Variants in MACROD2 observed in about 807,000 individuals in gnomAD.
MACROD2 encodes the protein mono-ADP ribosylhydrolase 2.
Under a neutral mutation model 70.4 loss-of-function variants are expected in MACROD2, and 36 were observed. That is an observed-to-expected ratio of 0.51 (90% CI 0.39 to 0.68). The LOEUF (loss-of-function observed/expected upper bound fraction) is 0.68. MACROD2 is among the 30% of genes least tolerant of loss of function. The pLI is 0.00. For synonymous variants in MACROD2, 172 were observed against 178.8 expected (o/e 0.96, Z 0.30); for missense variants, 496 against 538.4 (o/e 0.92, Z 0.78).
At chr20:15,751,779 A>G (rs2051274248) in intron 8 of MACROD2, among the ~76,000 whole-genome samples, 2 of 151,628 alleles carry the variant, frequency 1.3e-5, no homozygotes, top group African/African-American at 2.4e-5. Flanking sequence ...ATATAATGAG[A>G]AAGTGTCATA....
At chr20:15,116,397 C>T (rs1051171676) in intron 5 of MACROD2, among the ~76,000 whole-genome samples, 95 of 152,262 alleles carry the variant, frequency 6.2e-4, no homozygotes, top group African/African-American at 2.2e-3. Flanking sequence ...AATCCCAGCA[C>T]TTTAGGAGGC....
chr20:15,354,603 T>C (rs1410984623), intron 6 of MACROD2, among the ~76,000 whole-genome samples: 1 of 152,098 alleles, frequency 6.6e-6, no homozygotes, highest in Non-Finnish European at 1.5e-5. Context: ...ATTATATCTA[T>C]CGGCCCAGTA....
intron 5 of MACROD2, among the ~76,000 whole-genome samples, chr20:15,134,084 T>C (rs1450267953): frequency 6.7e-6 from 1 of 150,244 alleles, no homozygotes; most frequent in Admixed American, 6.6e-5. Flanking sequence ...TTTTTTGCAT[T>C]TTTAGTAGAG....
At chr20:15,560,078 A>G (rs1184901187) in intron 8 of MACROD2, among the ~76,000 whole-genome samples, 4 of 152,216 alleles carry the variant, frequency 2.6e-5, no homozygotes, top group African/African-American at 9.6e-5. Flanking sequence ...AAATCTCAAG[A>G]TTTTGACCAA....
At chr20:14,787,520 C>G (rs919634825) in intron 5 of MACROD2, among the ~76,000 whole-genome samples, 1 of 152,008 alleles carries the variant, frequency 6.6e-6, no homozygotes, top group African/African-American at 2.4e-5. Context: ...GGAGTCTTGG[C>G]CCCTTTCATC....
At chr20:15,638,043 G>A (rs563995057) in intron 8 of MACROD2, among the ~76,000 whole-genome samples, 4 of 151,958 alleles carry the variant, frequency 2.6e-5, no homozygotes, top group African/African-American at 4.8e-5. Flanking sequence ...TTTTTTTTAC[G>A]AGGCTTGTGT....
intron 8 of MACROD2, among the ~76,000 whole-genome samples, chr20:15,530,977 T>G (rs897222283): frequency 1.2e-4 from 18 of 149,988 alleles, no homozygotes; most frequent in Non-Finnish European, 2.4e-4. Flanking sequence ...GGTGACTTAT[T>G]TAAGTTGAAA....
intron 4 of MACROD2, among the ~76,000 whole-genome samples, chr20:14,673,769 A>G (rs2123566250): frequency 6.6e-6 from 1 of 151,948 alleles, no homozygotes; most frequent in African/African-American, 2.4e-5. Flanking sequence ...AAAAACAAAA[A>G]ATTAGCTGGG....
chr20:15,894,490 C>T (rs2064939398), intron 10 of MACROD2, among the ~76,000 whole-genome samples: 1 of 152,100 alleles, frequency 6.6e-6, no homozygotes, highest in Non-Finnish European at 1.5e-5. Flanking sequence ...GATGAGCAGA[C>T]CAGGAACACG....
At chr20:14,023,465 G>A (rs1467778638) in intron 2 of MACROD2, among the ~76,000 whole-genome samples, 2 of 152,100 alleles carry the variant, frequency 1.3e-5, no homozygotes, top group Non-Finnish European at 2.9e-5. Context: ...TAGTTATGAA[G>A]CCTTTGCCCA....
chr20:15,566,313 C>A (rs1443889086), intron 8 of MACROD2, among the ~76,000 whole-genome samples: 2 of 151,812 alleles, frequency 1.3e-5, no homozygotes, highest in African/African-American at 4.8e-5. Context: ...GCGAAACCCA[C>A]CCCCCACCGT....
intron 5 of MACROD2, among the ~76,000 whole-genome samples, chr20:15,048,688 T>G (rs903669238): frequency 1.3e-5 from 2 of 152,218 alleles, no homozygotes; most frequent in Admixed American, 6.5e-5. Context: ...TGGTATTCAT[T>G]TTTGGAGCTT....
Position 13,995,519 on chromosome 20 carries a change from A to G in MACROD2, c.-245A>G. 1 of 579,950 alleles carries G rather than the reference A, an allele frequency of 1.7e-6. No individual in the cohort carries two copies. The highest frequency in any genetic ancestry group is 3.0e-5 in the East Asian group (1 of 33,122). 35.9% of individuals were successfully genotyped at this position (579,950 alleles called of 1,614,324 possible). Reference sequence around the variant, plus strand: ...TAGCGCGAGGCGTGACCTAGTTGACAGGCTCTGAGGTGCTGCTGTGGCGGC... The same window carrying G: ...TAGCGCGAGGCGTGACCTAGTTGACGGGCTCTGAGGTGCTGCTGTGGCGGC... On this transcript the variant is annotated 5_prime_UTR_variant, in exon 1 of 18. Coordinates refer to ENST00000684519, the MANE Select transcript of MACROD2 (RefSeq NM_001351661.2). This position sits in a 1 kb window ranked among gnomAD's most constrained non-coding sequence, Gnocchi z 4.3.
intron 10 of MACROD2, among the ~76,000 whole-genome samples, chr20:15,889,866 C>T (rs1260995845): frequency 1.3e-5 from 2 of 152,118 alleles, no homozygotes; most frequent in Non-Finnish European, 2.9e-5. Context: ...CTGCCAGACA[C>T]AGGGCAAGCT....
At chr20:15,678,648 A>G (rs1302925349) in intron 8 of MACROD2, among the ~76,000 whole-genome samples, 1 of 152,132 alleles carries the variant, frequency 6.6e-6, no homozygotes. Flanking sequence ...TAAAATGTAA[A>G]AAGCCTATGC....
intron 6 of MACROD2, among the ~76,000 whole-genome samples, chr20:15,231,211 G>A (rs549086973): frequency 6.6e-6 from 1 of 152,048 alleles, no homozygotes; most frequent in Non-Finnish European, 1.5e-5. Flanking sequence ...AACAGAGCTG[G>A]ATATTTTATT....
intron 4 of MACROD2, among the ~76,000 whole-genome samples, chr20:14,628,207 AG>A (rs1195336818): frequency 6.6e-6 from 1 of 152,186 alleles, no homozygotes; most frequent in Non-Finnish European, 1.5e-5. Context: ...TGAGGTGCAG[AG>A]AGCTGTTGGC....
intron 8 of MACROD2, among the ~76,000 whole-genome samples, chr20:15,529,768 C>A (rs573368223): frequency 2.0e-4 from 31 of 152,288 alleles, no homozygotes; most frequent in South Asian, 8.3e-4. Flanking sequence ...CCGCCCCCCC[C>A]ACCTTTGACC....
intron 3 of MACROD2, among the ~76,000 whole-genome samples, chr20:14,139,917 G>A (rs1010142244): frequency 6.6e-6 from 1 of 151,980 alleles, no homozygotes; most frequent in Non-Finnish European, 1.5e-5. Context: ...ATCTGCAAAG[G>A]AAAAATAAAA....
Sources: allele counts gnomAD v4.1 joint callset (sites outside exome capture counted in the v4.1 genomes callset), GRCh38; gene constraint gnomAD v4.1.1; non-coding constraint Gnocchi (gnomAD v3.1); transcripts MANE v1.5; gene names NCBI Gene and HGNC (gene_info 2026-07-23, HGNC 2026-07-21).